The following SPMIP2 variants were observed in gnomAD, a reference collection of about 807,000 sequenced individuals.
The protein encoded by SPMIP2 is sperm microtubule inner protein 2.
chr4:158,989,221 A>G, the SPMIP2 span, among the ~76,000 whole-genome samples: 8 of 152,226 alleles, frequency 5.3e-5, no homozygotes, highest in Admixed American at 5.2e-4. Context: ...ACTACTGCTC[A>G]AGGAAATGCG....
chr4:158,926,356 C>G, the SPMIP2 span, among the ~76,000 whole-genome samples: 9 of 151,900 alleles, frequency 5.9e-5, no homozygotes, highest in African/African-American at 2.2e-4. Flanking sequence ...ATTACCTTCG[C>G]TGCATCCCTA....
chr4:159,043,598 C>T, the SPMIP2 span, among the ~76,000 whole-genome samples: 19 of 152,300 alleles, frequency 1.2e-4, no homozygotes, highest in African/African-American at 1.7e-4. Context: ...CCGCCCGCCT[C>T]GGCCTCCCAA....
At chr4:159,067,086 A>G in the SPMIP2 span, among the ~76,000 whole-genome samples, 7 of 152,344 alleles carry the variant, frequency 4.6e-5, no homozygotes, top group South Asian at 1.4e-3. Flanking sequence ...AGCATACCTG[A>G]GAGCCAGCAG....
chr4:158,893,589 C>G, the SPMIP2 span: 17 of 886,028 alleles, frequency 1.9e-5, no homozygotes, highest in East Asian at 1.3e-4. Flanking sequence ...TGCAAGACAT[C>G]TGTCCTGGGG....
the SPMIP2 span, among the ~76,000 whole-genome samples, chr4:158,948,740 G>A: frequency 2.6e-5 from 4 of 151,884 alleles, no homozygotes; most frequent in African/African-American, 7.3e-5. Context: ...AAGTAGCTGG[G>A]ACTACAGTTA....
At chr4:158,987,142 G>A in the SPMIP2 span, among the ~76,000 whole-genome samples, 1 of 123,054 alleles carries the variant, frequency 8.1e-6, no homozygotes, top group Admixed American at 8.9e-5. Context: ...ACAGATGCTG[G>A]AGAGGATGTG....
the SPMIP2 span, among the ~76,000 whole-genome samples, chr4:158,993,489 TA>T: frequency 1.1e-4 from 17 of 152,032 alleles, no homozygotes; most frequent in East Asian, 3.9e-4. Flanking sequence ...AGTTTTTTTT[TA>T]AATTTCTATT....
the SPMIP2 span, among the ~76,000 whole-genome samples, chr4:159,051,852 C>T: frequency 6.6e-6 from 1 of 152,236 alleles, no homozygotes; most frequent in Non-Finnish European, 1.5e-5. Flanking sequence ...TGGCCTATTA[C>T]TCTTTGTTTC....
At chr4:158,932,093 C>G in the SPMIP2 span, among the ~76,000 whole-genome samples, 1 of 151,998 alleles carries the variant, frequency 6.6e-6, no homozygotes, top group Non-Finnish European at 1.5e-5. Flanking sequence ...AGTTCAAGAC[C>G]AGCCTGGCTT....
the SPMIP2 span, among the ~76,000 whole-genome samples, chr4:159,061,399 G>C: frequency 0.23 from 34,269 of 151,824 alleles, 4,598 homozygotes; most frequent in Non-Finnish European, 0.31. Context: ...GAACACTGTT[G>C]GCCCTTCACT....
the SPMIP2 span, among the ~76,000 whole-genome samples, chr4:158,979,478 G>A: frequency 6.6e-6 from 1 of 152,194 alleles, no homozygotes; most frequent in Non-Finnish European, 1.5e-5. Context: ...CTCCCAGCAA[G>A]ATCAACACAG....
the SPMIP2 span, chr4:158,960,429 G>A: frequency 1.3e-6 from 1 of 750,220 alleles, no homozygotes; most frequent in Admixed American, 2.9e-5. Flanking sequence ...GTCAAAAAAG[G>A]AAGTCAGGTT....
chr4:159,024,963 A>T, the SPMIP2 span, among the ~76,000 whole-genome samples: 1 of 152,212 alleles, frequency 6.6e-6, no homozygotes, highest in East Asian at 1.9e-4. Flanking sequence ...AGTACTCTGT[A>T]CATATTACCC....
the SPMIP2 span, among the ~76,000 whole-genome samples, chr4:158,939,217 A>G: frequency 6.6e-6 from 1 of 152,220 alleles, no homozygotes; most frequent in Non-Finnish European, 1.5e-5. Context: ...AAGTTTATCT[A>G]TCCAGATGGT....
chr4:158,918,606 TTA>T, the SPMIP2 span, among the ~76,000 whole-genome samples: 2 of 152,358 alleles, frequency 1.3e-5, no homozygotes, highest in African/African-American at 4.8e-5. Flanking sequence ...AAATATTTTA[TTA>T]TCTTTTAAAT....
At chr4:159,007,695 C>A in the SPMIP2 span, 2 of 703,622 alleles carry the variant, frequency 2.8e-6, no homozygotes, top group South Asian at 1.3e-5. Context: ...GGTGCACCAG[C>A]GAGATGAGGC....
the SPMIP2 span, among the ~76,000 whole-genome samples, chr4:159,000,481 G>A: frequency 1.3e-5 from 2 of 148,378 alleles, no homozygotes; most frequent in Non-Finnish European, 3.0e-5. Flanking sequence ...CTTTTGTCTG[G>A]CTTCTTCTTC....
At chr4:158,913,570 T>C in the SPMIP2 span, among the ~76,000 whole-genome samples, 1 of 152,294 alleles carries the variant, frequency 6.6e-6, no homozygotes, top group East Asian at 1.9e-4. Flanking sequence ...TAATACTCTA[T>C]CAATGTTAAA....
chr4:159,075,400 T>C, the SPMIP2 span, among the ~76,000 whole-genome samples: 2 of 152,236 alleles, frequency 1.3e-5, no homozygotes, highest in Non-Finnish European at 2.9e-5. Flanking sequence ...CTAAAGGTTA[T>C]TATTTTCCTT....
Sources: allele counts gnomAD v4.1 joint callset (sites outside exome capture counted in the v4.1 genomes callset), GRCh38; gene constraint gnomAD v4.1.1; transcripts MANE v1.5; gene names NCBI Gene and HGNC (gene_info 2026-07-23, HGNC 2026-07-21).